Variants in CDH13 observed in about 807,000 individuals in gnomAD.
CDH13 encodes the protein cadherin 13, also known as cadherin-13.
In CDH13, 24 loss-of-function variants were observed where a neutral mutation model predicts 63.8. The ratio of observed to expected loss-of-function variants is 0.38; its 90% CI spans 0.27 to 0.53. The LOEUF (loss-of-function observed/expected upper bound fraction) is 0.53. CDH13 is among the 20% of genes least tolerant of loss of function. The probability of loss-of-function intolerance (pLI) is 0.85; values close to 1 mark genes in which losing one functional copy is unlikely to be tolerated. For synonymous variants in CDH13, 503 were observed against 355.3 expected (o/e 1.42, Z -4.67); for missense variants, 1,049 against 903.1 (o/e 1.16, Z -2.07).
At chr16:82,663,467 G>A (rs932500889) in intron 1 of CDH13, among the ~76,000 whole-genome samples, 2 of 152,096 alleles carry the variant, frequency 1.3e-5, no homozygotes, top group African/African-American at 2.4e-5. Context: ...TTACAGGCAT[G>A]AGCCACCATG....
chr16:83,319,731 G>A lies in CDH13; in HGVS notation c.637-25131G>A, dbSNP rs145717932. Among the ~76,000 whole-genome samples the A allele has an allele frequency of 7.4e-3, 1,128 of 152,260 alleles. 8 individuals carry two copies. Among genetic ancestry groups the A allele is most frequent in the Non-Finnish European group, 0.011 (737 of 68,022 alleles). On this transcript the variant is annotated intron_variant, in intron 5 of 13. Coordinates refer to ENST00000567109, the MANE Select transcript of CDH13 (RefSeq NM_001257.5). Reference sequence around the variant, plus strand: ...AGAAGGAAAAAAATATGCTGGGTGAGGAAGACAGGTGACAAGAAAGGAGTT... The same window carrying A: ...AGAAGGAAAAAAATATGCTGGGTGAAGAAGACAGGTGACAAGAAAGGAGTT...
At chr16:83,179,212 A>G (rs1011426482) in intron 4 of CDH13, among the ~76,000 whole-genome samples, 1 of 152,096 alleles carries the variant, frequency 6.6e-6, no homozygotes, top group African/African-American at 2.4e-5. Flanking sequence ...GTGTAGTCCC[A>G]TTCATATGAA....
At chr16:83,285,723 G>C (rs1017461540) in intron 5 of CDH13, among the ~76,000 whole-genome samples, 1 of 152,116 alleles carries the variant, frequency 6.6e-6, no homozygotes, top group East Asian at 1.9e-4. Flanking sequence ...TGGTGTTTGT[G>C]GGGGAGGGAT....
chr16:82,856,416 T>C (rs1172147908), intron 1 of CDH13, among the ~76,000 whole-genome samples: 3 of 128,744 alleles, frequency 2.3e-5, no homozygotes, highest in Non-Finnish European at 3.2e-5. Context: ...AAAAGAAAAA[T>C]ACTAGCTGGG....
chr16:83,014,811 T>G (rs1731468656), intron 2 of CDH13, among the ~76,000 whole-genome samples: 1 of 81,120 alleles, frequency 1.2e-5, no homozygotes, highest in Non-Finnish European at 2.4e-5. Context: ...TATGTATATA[T>G]ATTTGTATAT....
chr16:82,665,330 G>A (rs1009187387), intron 1 of CDH13, among the ~76,000 whole-genome samples: 10 of 152,250 alleles, frequency 6.6e-5, no homozygotes, highest in African/African-American at 2.4e-4. Context: ...TCCAGCATGA[G>A]TTACAGTGCT....
At chr16:83,745,319 T>G (rs1471355924) in intron 10 of CDH13, among the ~76,000 whole-genome samples, 1 of 152,110 alleles carries the variant, frequency 6.6e-6, no homozygotes, top group Non-Finnish European at 1.5e-5. Context: ...GACAAAAACT[T>G]GATTTGATTC....
chr16:83,201,084 G>A (rs1363939132), intron 4 of CDH13, among the ~76,000 whole-genome samples: 3 of 151,982 alleles, frequency 2.0e-5, no homozygotes, highest in Non-Finnish European at 2.9e-5. Flanking sequence ...CCAGAAGTTG[G>A]CAAGCCATTT....
At chr16:83,537,073 C>T (rs771211532) in intron 7 of CDH13, among the ~76,000 whole-genome samples, 4 of 152,222 alleles carry the variant, frequency 2.6e-5, no homozygotes, top group Middle Eastern at 6.8e-3. Context: ...TGTGGGGATT[C>T]GAGCAACAAG....
At chr16:83,194,361 G>T (rs556181217) in intron 4 of CDH13, among the ~76,000 whole-genome samples, 6 of 152,160 alleles carry the variant, frequency 3.9e-5, no homozygotes, top group African/African-American at 1.4e-4. Context: ...AAAGCAAAAT[G>T]ACTGACTACA....
intron 5 of CDH13, among the ~76,000 whole-genome samples, chr16:83,295,663 G>C (rs1408592511): frequency 6.6e-6 from 1 of 152,072 alleles, no homozygotes; most frequent in Non-Finnish European, 1.5e-5. Context: ...TTATCAAAAA[G>C]ATAAAATATA....
chr16:83,430,868 C>A (rs903569330), intron 6 of CDH13, among the ~76,000 whole-genome samples: 4 of 151,676 alleles, frequency 2.6e-5, no homozygotes, highest in African/African-American at 9.7e-5. Flanking sequence ...GCACATTGTG[C>A]AGGTTAGTTA....
intron 3 of CDH13, among the ~76,000 whole-genome samples, chr16:83,080,871 G>GTTTTTTTTTTTTTTGTTTTTTTTT (rs2033186496): frequency 4.3e-5 from 2 of 46,956 alleles, no homozygotes; most frequent in African/African-American, 1.8e-4. Context: ...TTGTTTTTGT[G>GTTTTTTTTTTTTTTGTTTTTTTTT]TTTTTTTTTT....
intron 7 of CDH13, among the ~76,000 whole-genome samples, chr16:83,535,793 A>T (rs1055001851): frequency 7.1e-6 from 1 of 140,970 alleles, no homozygotes; most frequent in South Asian, 2.7e-4. Context: ...CAGAGGAAGT[A>T]TTTGGAGCAG....
intron 8 of CDH13, among the ~76,000 whole-genome samples, chr16:83,621,567 A>G (rs1177899121): frequency 2.4e-5 from 3 of 127,450 alleles, no homozygotes; most frequent in Non-Finnish European, 4.7e-5. Flanking sequence ...GCTCACCGCA[A>G]ACTCCTCCTC....
In CDH13 at chr16:83,670,988, A is replaced by G; in HGVS notation, c.1284+16A>G. The stretch of plus-strand genomic sequence containing the variant: ...TGTTGTCAAAGTAAGGGTGCTTCCA[A>G]TTGCCTCTTTCTCCTCATGCGAGCA... On this transcript the variant is annotated intron_variant, in intron 9 of 13. Transcript: ENST00000567109. The G allele has an allele frequency of 7.0e-6, 11 of 1,568,028 alleles. No individual in the cohort carries two copies. The highest frequency in any genetic ancestry group is 9.5e-6 in the Non-Finnish European group (11 of 1,154,636).
intron 6 of CDH13, among the ~76,000 whole-genome samples, chr16:83,424,963 C>G (rs1427506190): frequency 1.3e-5 from 2 of 152,172 alleles, no homozygotes; most frequent in Admixed American, 6.5e-5. Context: ...TGCATTTAAC[C>G]TTTTGCTGCA....
At chr16:83,055,157 A>G (rs1387061947) in intron 3 of CDH13, among the ~76,000 whole-genome samples, 1 of 152,120 alleles carries the variant, frequency 6.6e-6, no homozygotes, top group Non-Finnish European at 1.5e-5. Context: ...GAAATACAAC[A>G]TAACAAAACT....
chr16:83,047,567 A>AG lies in CDH13; in HGVS notation c.366+15350dup, dbSNP rs1182458055. Among the ~76,000 whole-genome samples the AG allele has an allele frequency of 6.6e-6, 1 of 152,154 alleles. No individual in the cohort carries two copies. The highest frequency in any genetic ancestry group is 1.5e-5 in the Non-Finnish European group (1 of 68,042). On this transcript the variant is annotated intron_variant, in intron 3 of 13. Transcript: ENST00000567109. This position sits in a 1 kb window ranked among gnomAD's most constrained non-coding sequence, Gnocchi z 4.9. ...AAAACTGAATTTTTAAAATACAAACAGAAAAAAAGCTCCCTGTATTTTCCC... is the reference window on the plus strand; with the variant it reads ...AAAACTGAATTTTTAAAATACAAACAGGAAAAAAAGCTCCCTGTATTTTCCC...
Sources: allele counts gnomAD v4.1 joint callset (sites outside exome capture counted in the v4.1 genomes callset), GRCh38; gene constraint gnomAD v4.1.1; non-coding constraint Gnocchi (gnomAD v3.1); transcripts MANE v1.5; gene names NCBI Gene and HGNC (gene_info 2026-07-23, HGNC 2026-07-21).